The following ACKR3 variants were observed in gnomAD, a reference collection of about 807,000 sequenced individuals.
ACKR3 encodes atypical chemokine receptor 3, also known as C-X-C chemokine receptor type 7.
A neutral mutation model predicts 22.4 loss-of-function variants in ACKR3; 6 were observed. That is an observed-to-expected ratio of 0.27 (90% CI 0.15 to 0.53). ACKR3 has a LOEUF of 0.53. Among genes scored for constraint, ACKR3 ranks in the 20% least tolerant of loss-of-function variants. The pLI, the probability that ACKR3 is intolerant of heterozygous loss-of-function variation, is 0.96. For synonymous variants in ACKR3, 209 were observed against 205.2 expected (o/e 1.02, Z -0.16); for missense variants, 396 against 475.2 (o/e 0.83, Z 1.55).
chr2:236,548,866 C>T, the ACKR3 span, among the ~76,000 whole-genome samples: 29 of 152,272 alleles, frequency 1.9e-4, no homozygotes, highest in East Asian at 1.2e-3. This position sits in a 1 kb window ranked among gnomAD's most constrained non-coding sequence, Gnocchi z 4.3. Context: ...ATTAAAAGCT[C>T]GTGCACATGC....
At chr2:236,546,954 G>A in the ACKR3 span, among the ~76,000 whole-genome samples, 1 of 152,250 alleles carries the variant, frequency 6.6e-6, no homozygotes, top group African/African-American at 2.4e-5. This position sits in a 1 kb window ranked among gnomAD's most constrained non-coding sequence, Gnocchi z 4.9. Context: ...AATCAATGCA[G>A]CATTGGCCCT....
At chr2:236,575,145 G>T (rs1479827132) in intron 1 of ACKR3, among the ~76,000 whole-genome samples, 1 of 152,100 alleles carries the variant, frequency 6.6e-6, no homozygotes, top group Non-Finnish European at 1.5e-5. Context: ...AACCTCGATT[G>T]TTCTGTGGAC....
At chr2:236,558,428 C>T in the ACKR3 span, among the ~76,000 whole-genome samples, 1 of 152,120 alleles carries the variant, frequency 6.6e-6, no homozygotes, top group African/African-American at 2.4e-5. Context: ...CAACCAGAGG[C>T]GCTTTTTGTG....
At chr2:236,578,530 C>T (rs1004049087) in intron 1 of ACKR3, among the ~76,000 whole-genome samples, 2 of 152,144 alleles carry the variant, frequency 1.3e-5, no homozygotes, top group Non-Finnish European at 2.9e-5. Context: ...CTTGGGAGGC[C>T]CAGCCCTTTC....
chr2:236,579,421 G>A (rs1316934911), intron 1 of ACKR3, among the ~76,000 whole-genome samples: 3 of 152,184 alleles, frequency 2.0e-5, no homozygotes, highest in Non-Finnish European at 4.4e-5. Flanking sequence ...TGGCCTGGAG[G>A]GATTTCAGGG....
chr2:236,558,264 G>A, the ACKR3 span, among the ~76,000 whole-genome samples: 1 of 152,204 alleles, frequency 6.6e-6, no homozygotes, highest in Non-Finnish European at 1.5e-5. Flanking sequence ...GCCGCTGCTA[G>A]TCATATTTCC....
At chr2:236,556,951 G>T in the ACKR3 span, among the ~76,000 whole-genome samples, 3 of 152,176 alleles carry the variant, frequency 2.0e-5, no homozygotes, top group Non-Finnish European at 2.9e-5. Flanking sequence ...GCTTCCCAAA[G>T]TGCTGGGATT....
At chr2:236,543,941 G>T in the ACKR3 span, among the ~76,000 whole-genome samples, 1 of 57,758 alleles carries the variant, frequency 1.7e-5, no homozygotes, top group Non-Finnish European at 4.4e-5. Flanking sequence ...TGGGAGAAGG[G>T]TATATATATA....
chr2:236,563,884 G>T (rs1195002681), upstream of ACKR3, among the ~76,000 whole-genome samples: 1 of 152,172 alleles, frequency 6.6e-6, no homozygotes, highest in Non-Finnish European at 1.5e-5. Flanking sequence ...GTATCTGAGG[G>T]GCTGCACCCT....
rs144288619 is a variant in ACKR3 at position 236,577,375 on chromosome 2, C to T, written c.-26-3065C>T. The stretch of plus-strand genomic sequence containing the variant: ...ACCAATGGTCCCTAAATCAAATTTT[C>T]GTCACCCAAAGAGGCAAAGGTAGAA... On this transcript the variant is annotated intron_variant, in intron 1 of 1. Transcript: ENST00000272928. This position sits in a 1 kb window ranked among gnomAD's most constrained non-coding sequence, Gnocchi z 5.6. Among the ~76,000 whole-genome samples the T allele has an allele frequency of 3.7e-4, 56 of 152,262 alleles. 2 individuals carry two copies. The highest frequency in any genetic ancestry group is 3.2e-3 in the Admixed American group (49 of 15,294).
the ACKR3 span, among the ~76,000 whole-genome samples, chr2:236,539,908 A>C: frequency 6.6e-6 from 1 of 152,198 alleles, no homozygotes; most frequent in South Asian, 2.1e-4. Flanking sequence ...TCCCATTTAT[A>C]AAACCATCAG....
chr2:236,566,514 G>A (rs533397016), upstream of ACKR3, among the ~76,000 whole-genome samples: 2 of 147,552 alleles, frequency 1.4e-5, no homozygotes, highest in African/African-American at 5.4e-5. Context: ...AAAACAGCAG[G>A]TGCAAGATCA....
chr2:236,542,708 T>C, the ACKR3 span, among the ~76,000 whole-genome samples: 8 of 152,064 alleles, frequency 5.3e-5, no homozygotes, highest in Non-Finnish European at 1.2e-4. Flanking sequence ...TCAAAATTAC[T>C]ACCCCTCTTT....
rs1208746163 is a variant in ACKR3, at chr2:236,578,263, G to A, written c.-26-2177G>A. On this transcript the variant is annotated intron_variant, in intron 1 of 1. Transcript: ENST00000272928. ...GTCCTCAGCTCCCTGCTGGGCCTAC[G>A]TCCTTTTGGAGTTCTAGAGCTGCGT... Among the ~76,000 whole-genome samples, 5 of 152,200 alleles carry A rather than the reference G, an allele frequency of 3.3e-5. 1 individual carries two copies. Among genetic ancestry groups the A allele is most frequent in the Admixed American group, 2.6e-4 (4 of 15,288 alleles).
intron 1 of ACKR3, among the ~76,000 whole-genome samples, chr2:236,573,996 TA>T (rs1463524975): frequency 6.6e-6 from 1 of 151,972 alleles, no homozygotes; most frequent in African/African-American, 2.4e-5. Flanking sequence ...AAGTCCCCCA[TA>T]AGCCACCAGA....
At chr2:236,555,288 T>C in the ACKR3 span, among the ~76,000 whole-genome samples, 1 of 152,308 alleles carries the variant, frequency 6.6e-6, no homozygotes, top group South Asian at 2.1e-4. Context: ...ATACCAATCA[T>C]GGGCACGAGT....
At chr2:236,543,707 T>A in the ACKR3 span, among the ~76,000 whole-genome samples, 1 of 151,870 alleles carries the variant, frequency 6.6e-6, no homozygotes, top group Non-Finnish European at 1.5e-5. Flanking sequence ...ACGCTGGATG[T>A]TTGAACTACT....
chr2:236,581,471 G>T lies in ACKR3; in HGVS notation c.1006G>T (p.Ala336Ser). 1 of 1,614,122 alleles carries T rather than the reference G, an allele frequency of 6.2e-7. No homozygotes were observed. Among genetic ancestry groups the T allele is most frequent in the African/African-American group, 1.3e-5 (1 of 75,010 alleles). ...GAAGGCCTTCATCTTCAAGTACTCG[G>T]CCAAAACAGGGCTCACCAAGCTCAT... ...LMKAFIFKYS[A>S]KTGLTKLIDA... The change falls in exon 2 of 2, where the codon GCC (alanine) becomes TCC (serine). Residue 336 changes from alanine (A) to serine (S), a missense_variant. Ala to Ser is a moderately conservative substitution (Grantham distance 99). Transcript: ENST00000272928. The surrounding 1 kb of genome is among the most constrained non-coding windows in gnomAD (Gnocchi z 4.4).
chr2:236,548,416 AC>A, the ACKR3 span, among the ~76,000 whole-genome samples: 1 of 152,150 alleles, frequency 6.6e-6, no homozygotes, highest in African/African-American at 2.4e-5. This position sits in a 1 kb window ranked among gnomAD's most constrained non-coding sequence, Gnocchi z 4.3. Context: ...CAGGCCCTAA[AC>A]CCACATAAAG....
Sources: gnomAD v4.1 joint callset for allele counts (sites outside exome capture counted in the v4.1 genomes callset) on GRCh38, gnomAD v4.1.1 for gene constraint, Gnocchi (gnomAD v3.1) non-coding constraint, MANE v1.5 for transcripts, NCBI Gene and HGNC (gene_info 2026-07-23, HGNC 2026-07-21) for gene names.